Variants in PDZD7 observed in about 807,000 individuals in gnomAD.
The protein encoded by PDZD7 is PDZ domain containing 7, also known as PDZ domain-containing protein 7.
Under a neutral mutation model 84.7 loss-of-function variants are expected in PDZD7, and 72 were observed. That is an observed-to-expected ratio of 0.85 (90% CI 0.70 to 1.03). PDZD7 has a LOEUF of 1.03. Ranked by LOEUF, PDZD7 falls within the 50% of genes least tolerant of loss-of-function variation. The pLI, the probability that PDZD7 is intolerant of heterozygous loss-of-function variation, is 0.00. For synonymous variants in PDZD7, 594 were observed against 580.7 expected (o/e 1.02, Z -0.33); for missense variants, 1,490 against 1,412.9 (o/e 1.05, Z -0.87).
intron 2 of PDZD7, among the ~76,000 whole-genome samples, chr10:101,029,517 C>T (rs998737540): frequency 6.6e-6 from 1 of 152,220 alleles, no homozygotes; most frequent in African/African-American, 2.4e-5. Context: ...TCCTTCAGCA[C>T]GGAAGCCCTG....
rs770603287 is a variant in PDZD7, at chr10:101,022,300, T to C, written c.628A>G (p.Ile210Val). 2.5e-6 allele frequency: 4 copies of C among 1,614,204 alleles called. No individual in the cohort carries two copies. The highest frequency in any genetic ancestry group is 2.2e-5 in the South Asian group (2 of 91,082). The change falls in exon 5 of 17, where the codon ATC becomes GTC. Residue 210 changes from isoleucine to valine, a missense_variant. By Grantham distance (29) the Ile-to-Val change is conservative. Transcript: ENST00000619208. ...TCGGAGGTTGTGTATAGGTGGACGA[T>C]GCGCCGGACACCATCTTCTGAGCTG... ...DTSSEDGVRR[I>V]VHLYTTSDDF...
chr10:101,011,982 C>G lies in PDZD7; in HGVS notation c.1876G>C (p.Asp626His). 1 of 1,550,488 alleles carries G rather than the reference C, an allele frequency of 6.4e-7. No homozygotes were observed. Among genetic ancestry groups the G allele is most frequent in the Non-Finnish European group, 8.7e-7 (1 of 1,146,990 alleles). Reference sequence around the variant, plus strand: ...AGCTCCACAAGCATCACCATGCTGTCGAAGCGGCCCAGGTCTGTGGGGGCC... The same window carrying G: ...AGCTCCACAAGCATCACCATGCTGTGGAAGCGGCCCAGGTCTGTGGGGGCC... ...VVAPTDLGRF[D>H]SMVMLVELEA... Residue 626 changes from aspartate to histidine, a missense_variant, in exon 13 of 17, where the codon GAC (aspartate) becomes CAC (histidine). Asp to His is a moderately conservative substitution (Grantham distance 81, BLOSUM62 -1). Transcript: ENST00000619208.
chr10:101,021,705 C>T (rs894860591), intron 6 of PDZD7, 93 bp downstream of exon 6: 85 of 1,562,232 alleles, frequency 5.4e-5, no homozygotes, highest in Non-Finnish European at 6.3e-5. Flanking sequence ...GCTGTGGGAA[C>T]GTCATAAATT....
intron 15 of PDZD7, 82 bp from the exon 16 acceptor site, chr10:101,009,432 C>T (rs1251896840): frequency 2.0e-5 from 23 of 1,155,060 alleles, no homozygotes; most frequent in Admixed American, 6.0e-5. Flanking sequence ...GAATCCCATC[C>T]CCAAATCCAA....
At chr10:101,014,189 G>GA (rs1269797232) in intron 11 of PDZD7, among the ~76,000 whole-genome samples, 1 of 152,070 alleles carries the variant, frequency 6.6e-6, no homozygotes, top group Admixed American at 6.6e-5. Flanking sequence ...TTCCTGGTCT[G>GA]GCAGCTGTAG....
rs751402496 is a variant in PDZD7 at position 101,016,420 on chromosome 10, G to A, written c.1530C>T (p.Gly510=). ...TGACAAACTTCTGTACCGGGCCCACGCCCCCTGCTATGAAGAAGAAAGAGG... is the reference window on the plus strand; with the variant it reads ...TGACAAACTTCTGTACCGGGCCCACACCCCCTGCTATGAAGAAGAAAGAGG... ...YPRLDIEKAG[G]VGPVQKFVTW... The change falls in exon 10 of 17, where the codon GGC becomes GGT. Residue 510 remains glycine (G), a synonymous_variant. Coordinates refer to ENST00000619208, the MANE Select transcript of PDZD7 (RefSeq NM_001195263.2). The A allele has an allele frequency of 2.4e-5, 37 of 1,550,618 alleles. No homozygotes were observed. Among genetic ancestry groups the A allele is most frequent in the Non-Finnish European group, 3.1e-5 (35 of 1,147,000 alleles).
chr10:101,008,534 C>G lies in PDZD7; in HGVS notation c.3035G>C (p.Ser1012Thr). 1 of 1,534,620 alleles carries G rather than the reference C, an allele frequency of 6.5e-7. No homozygotes were observed. The highest frequency in any genetic ancestry group is 8.7e-7 in the Non-Finnish European group (1 of 1,146,522). ...TDARLLQPTP[S>T]PAPSPALQTP... ...CTGGAGGGCTGGGGAGGGGGCTGGG[C>G]TGGGAGTTGGCTGGAGGAGCCTGGC... The change falls in exon 17 of 17, where the codon AGC becomes ACC. Residue 1012 changes from serine to threonine, a missense_variant. Physicochemically the swap from Ser to Thr is moderately conservative, Grantham distance 58 (BLOSUM62 1). Transcript: ENST00000619208.
At chr10:101,009,904 G>T (rs11190788) in intron 15 of PDZD7, among the ~76,000 whole-genome samples, 56,114 of 150,886 alleles carry the variant, frequency 0.37, 12,564 homozygotes, top group Non-Finnish European at 0.5. Context: ...ACCGCGCCCG[G>T]CTGAGACAGA....
At position 101,024,023 on chromosome 10, in the gene PDZD7, T is replaced by C. The variant is rs768504914; in HGVS notation, c.272A>G (p.Lys91Arg). ...SDIIHSVRVE[K>R]SPAGRLGFSV... ...GAAGCCCAGCCTCCCTGCTGGACTC[T>C]TCTCCACCCGGACTGAATGGATGAT... The change falls in exon 3 of 17, where the codon AAG becomes AGG. Residue 91 changes from lysine to arginine, a missense_variant. Lys to Arg is a conservative substitution (Grantham distance 26). Transcript: ENST00000619208. 14 of 1,614,150 alleles carry C rather than the reference T, an allele frequency of 8.7e-6. No homozygotes were observed. Among genetic ancestry groups the C allele is most frequent in the Non-Finnish European group, 1.2e-5 (14 of 1,180,048 alleles).
chr10:101,025,560 T>TTATTTATC (rs1399565012), intron 2 of PDZD7, among the ~76,000 whole-genome samples: 5 of 147,370 alleles, frequency 3.4e-5, no homozygotes, highest in South Asian at 4.4e-4. Context: ...ATTTATTTAT[T>TTATTTATC]TATCTGAGAC....
intron 1 of PDZD7, chr10:101,030,649 T>C (rs1938088407): frequency 5.8e-6 from 2 of 345,898 alleles, no homozygotes; most frequent in South Asian, 4.9e-5. Flanking sequence ...TCAGTAGAGG[T>C]TGAGAGTGGA....
Position 101,009,599 on chromosome 10 carries a change from C to CTTTTT in PDZD7, c.2618-254_2618-250dup, listed in dbSNP as rs142806278. Among the ~76,000 whole-genome samples the CTTTTT allele has an allele frequency of 2.3e-3, 145 of 62,284 alleles. 3 individuals are homozygous for CTTTTT. Among genetic ancestry groups the CTTTTT allele is most frequent in the Non-Finnish European group, 3.0e-3 (113 of 37,558 alleles). 40.9% of individuals were successfully genotyped at this position (62,284 alleles called of 152,430 possible). A position where few individuals can be genotyped will look rare whatever the true frequency, so the allele number is the denominator to read the frequency against. The stretch of plus-strand genomic sequence containing the variant: ...ATTTATTTATTTTTTGAGACAGAGT[C>CTTTTT]TTTTTTTTTTTTTTTTTTTTTTTTT... On this transcript the variant is annotated intron_variant, in intron 15 of 16. Coordinates refer to ENST00000619208, the MANE Select transcript of PDZD7 (RefSeq NM_001195263.2).
intron 2 of PDZD7, among the ~76,000 whole-genome samples, chr10:101,027,387 T>C (rs1937782935): frequency 6.6e-6 from 1 of 152,160 alleles, no homozygotes; most frequent in Non-Finnish European, 1.5e-5. Context: ...TCAGCTCCTC[T>C]TCCTCGTTCC....
At chr10:101,026,405 G>C (rs1268395124) in intron 2 of PDZD7, among the ~76,000 whole-genome samples, 2 of 146,930 alleles carry the variant, frequency 1.4e-5, no homozygotes, top group African/African-American at 2.5e-5. Context: ...AAAATGCTGG[G>C]ATTACAGGTG....
Position 101,030,320 on chromosome 10 carries a change from G to C in PDZD7, c.-101C>G. The stretch of plus-strand genomic sequence containing the variant: ...TCGAGCTCCATGAGCCTCTGTGCGG[G>C]GCTGGGGTCTCAGTAACGTGAAGGC... On this transcript the variant is annotated 5_prime_UTR_variant, in exon 2 of 17. Transcript: ENST00000619208. 9.6e-7 allele frequency: 1 copy of C among 1,038,266 alleles called. No individual in the cohort carries two copies. Among genetic ancestry groups the C allele is most frequent in the Non-Finnish European group, 1.4e-6 (1 of 691,996 alleles). The allele number at this position is 1,038,266 out of a possible 1,614,324, so 64.3% of individuals were successfully genotyped here. A position where few individuals can be genotyped will look rare whatever the true frequency, so the allele number is the denominator to read the frequency against.
intron 11 of PDZD7, among the ~76,000 whole-genome samples, chr10:101,013,851 C>CTTT (rs111945530): frequency 4.5e-5 from 6 of 134,666 alleles, no homozygotes; most frequent in African/African-American, 8.3e-5. Context: ...TCTTTTCTTT[C>CTTT]TTTTTTTTTT....
At chr10:101,013,287 C>T (rs2134010162) in intron 11 of PDZD7, among the ~76,000 whole-genome samples, 1 of 152,312 alleles carries the variant, frequency 6.6e-6, no homozygotes, top group African/African-American at 2.4e-5. Context: ...GATTCGGTAC[C>T]TACTAAGTGC....
chr10:101,018,386 G>C, intron 8 of PDZD7, 90 bp from the exon 9 acceptor site: 1 of 1,384,520 alleles, frequency 7.2e-7, no homozygotes, highest in East Asian at 2.4e-5. Context: ...CAGAGAGAAG[G>C]GAGAGGAGAG....
intron 7 of PDZD7, 114 bp downstream of exon 7, chr10:101,020,504 C>G: frequency 1.0e-6 from 1 of 995,414 alleles, no homozygotes; most frequent in South Asian, 1.4e-5. Context: ...TCCCAAAATG[C>G]TGGGATTACA....
Sources: gnomAD v4.1 joint callset for allele counts (sites outside exome capture counted in the v4.1 genomes callset) on GRCh38, gnomAD v4.1.1 for gene constraint, MANE v1.5 for transcripts, NCBI Gene and HGNC (gene_info 2026-07-23, HGNC 2026-07-21) for gene names.